Variants in SOCS7 observed in about 807,000 individuals in gnomAD.
The protein encoded by SOCS7 is suppressor of cytokine signaling 7, also known as NAP-4.
SOCS7 carries 18 observed loss-of-function variants against 58.9 expected under a neutral mutation model. That is an observed-to-expected ratio of 0.31 (90% CI 0.21 to 0.45). The LOEUF is 0.45. Among genes scored for constraint, SOCS7 ranks in the 20% least tolerant of loss-of-function variants. SOCS7 has a pLI of 1.00. For synonymous variants in SOCS7, 388 were observed against 364.3 expected (o/e 1.06, Z -0.74); for missense variants, 667 against 837.3 (o/e 0.80, Z 2.51).
At chr17:38,359,361 C>G (rs189534295) in intron 1 of SOCS7, among the ~76,000 whole-genome samples, 2 of 152,228 alleles carry the variant, frequency 1.3e-5, no homozygotes, top group East Asian at 3.9e-4. Flanking sequence ...TCATCAGAAC[C>G]CTCAAGTATG....
intron 7 of SOCS7, among the ~76,000 whole-genome samples, chr17:38,387,855 C>T (rs113462347): frequency 0.041 from 6,147 of 148,766 alleles, 456 homozygotes; most frequent in African/African-American, 0.15. Flanking sequence ...CTGCAACCTC[C>T]GACTCCCGGG....
At chr17:38,382,502 T>A (rs1312244786) in intron 7 of SOCS7, among the ~76,000 whole-genome samples, 1 of 151,378 alleles carries the variant, frequency 6.6e-6, no homozygotes, top group East Asian at 1.9e-4. Context: ...TTTGTTTGTT[T>A]CAAGATGGAG....
intron 7 of SOCS7, among the ~76,000 whole-genome samples, chr17:38,386,492 C>A (rs1209636713): frequency 6.6e-6 from 1 of 151,846 alleles, no homozygotes; most frequent in Non-Finnish European, 1.5e-5. Context: ...AGGCTTGATC[C>A]TTTTAGCAAG....
rs2038312170 is a variant in SOCS7 at position 38,401,056 on chromosome 17, C to T, written c.*1574C>T. 6.6e-6 allele frequency: 1 copy of T among 152,112 alleles called. No homozygotes were observed. The allele number at this position is 152,112 out of a possible 1,614,324, so 9.4% of individuals were successfully genotyped here. On this transcript the variant is annotated 3_prime_UTR_variant, in exon 10 of 10. Transcript: ENST00000612932. ...GCTTCCTGATGGTTTGGGTGGGGCC[C>T]CAGTGTCCTGGTAATTTATAGGACT...
At chr17:38,398,961 A>G (rs1164237899) in intron 9 of SOCS7, among the ~76,000 whole-genome samples, 1 of 151,998 alleles carries the variant, frequency 6.6e-6, no homozygotes, top group East Asian at 1.9e-4. Flanking sequence ...ATGGTGGCGC[A>G]TGCCTGTAAT....
At chr17:38,370,688 C>T (rs941663636) in intron 6 of SOCS7, among the ~76,000 whole-genome samples, 6 of 149,936 alleles carry the variant, frequency 4.0e-5, no homozygotes, top group African/African-American at 1.2e-4. Flanking sequence ...CTTGCTCCAT[C>T]GCCCAGGCTA....
chr17:38,359,547 A>C (rs1312697073), intron 1 of SOCS7, among the ~76,000 whole-genome samples: 2 of 152,100 alleles, frequency 1.3e-5, no homozygotes, highest in Non-Finnish European at 2.9e-5. Flanking sequence ...GAAGTCAAAT[A>C]ATTTAAAATA....
At chr17:38,362,382 T>A (rs900252652) in intron 2 of SOCS7, among the ~76,000 whole-genome samples, 6 of 152,304 alleles carry the variant, frequency 3.9e-5, no homozygotes, top group African/African-American at 4.8e-5. Flanking sequence ...GCCTTCTCGT[T>A]TCGTAGGGAG....
At chr17:38,396,104 C>T (rs1024637733) in intron 9 of SOCS7, 106 bp downstream of exon 9, 13 of 911,144 alleles carry the variant, frequency 1.4e-5, no homozygotes, top group South Asian at 1.0e-4. Context: ...TGGATAGCCC[C>T]GATCCAGGCA....
chr17:38,395,860 T>C lies in SOCS7; in HGVS notation c.1830T>C (p.Ser610=). The C allele has an allele frequency of 6.2e-7, 1 of 1,610,570 alleles. No homozygotes were observed. Among genetic ancestry groups the C allele is most frequent in the Non-Finnish European group, 8.5e-7 (1 of 1,179,080 alleles). Residue 610 remains serine (S), a synonymous_variant, in exon 9 of 10, where the codon TCT becomes TCC. Coordinates refer to ENST00000612932, the MANE Select transcript of SOCS7 (RefSeq NM_014598.4). ...TTGTTTTTCACAGACCTCTGATCTC[T>C]TATATCCGAAAGTTCTACTACTATG... ...PDLPLPKPLI[S]YIRKFYYYDP... is the part of the protein sequence containing the mutation.
chr17:38,371,757 T>G (rs1038424849), intron 6 of SOCS7, among the ~76,000 whole-genome samples: 6 of 145,372 alleles, frequency 4.1e-5, no homozygotes, highest in African/African-American at 7.9e-5. Flanking sequence ...CTTTTGTGTT[T>G]TTTTTTTTTT....
rs562343012 is a variant in SOCS7, at chr17:38,405,313, A to C, written c.*5831A>C. ...GGTGTGTTTTGGTATTTTTCTGGGGATAGAGGGGGTGGGGTTAGGGATGTC... is the reference window on the plus strand; with the variant it reads ...GGTGTGTTTTGGTATTTTTCTGGGGCTAGAGGGGGTGGGGTTAGGGATGTC... On this transcript the variant is annotated 3_prime_UTR_variant, in exon 10 of 10. Transcript: ENST00000612932. The C allele has an allele frequency of 2.6e-5, 4 of 151,986 alleles. No individual in the cohort carries two copies. Among genetic ancestry groups the C allele is most frequent in the South Asian group, 2.1e-4 (1 of 4,806 alleles). The allele number at this position is 151,986 out of a possible 1,614,324, so 9.4% of individuals were successfully genotyped here.
chr17:38,358,559 G>A (rs1358568921), intron 1 of SOCS7, among the ~76,000 whole-genome samples: 1 of 150,898 alleles, frequency 6.6e-6, no homozygotes, highest in Non-Finnish European at 1.5e-5. Flanking sequence ...TCAATTTTAT[G>A]TATTAGTATC....
rs1426130131 is a variant in SOCS7, at chr17:38,402,890, C to T, written c.*3408C>T. 4 of 152,286 alleles carry T rather than the reference C, an allele frequency of 2.6e-5. No individual in the cohort carries two copies. The highest frequency in any genetic ancestry group is 5.9e-5 in the Non-Finnish European group (4 of 68,048). 9.4% of individuals were successfully genotyped at this position (152,286 alleles called of 1,614,324 possible). On this transcript the variant is annotated 3_prime_UTR_variant, in exon 10 of 10. Coordinates refer to ENST00000612932, the MANE Select transcript of SOCS7 (RefSeq NM_014598.4). ...CCTGTTTATGACTGATCTACTGTAACCTTCCTCAGGTTGAGAGTGAGCTGC... is the reference window on the plus strand; with the variant it reads ...CCTGTTTATGACTGATCTACTGTAATCTTCCTCAGGTTGAGAGTGAGCTGC...
chr17:38,366,319 G>C lies in SOCS7; in HGVS notation c.1285G>C (p.Ala429Pro). 3.7e-6 allele frequency: 6 copies of C among 1,614,194 alleles called. No homozygotes were observed. The highest frequency in any genetic ancestry group is 5.1e-6 in the Non-Finnish European group (6 of 1,180,032). Reference protein sequence around the residue: ...AFPRIAPIRAAESLHSQPPQH... With the variant: ...AFPRIAPIRAPESLHSQPPQH... Reference sequence around the variant, plus strand: ...TCCCCGGATTGCTCCCATCCGAGCAGCTGAATCCCTGCACAGCCAACCCCC... The same window carrying C: ...TCCCCGGATTGCTCCCATCCGAGCACCTGAATCCCTGCACAGCCAACCCCC... Residue 429 changes from alanine to proline, a missense_variant, in exon 5 of 10, where the codon GCT (alanine) becomes CCT (proline). Ala to Pro is a conservative substitution (Grantham distance 27, BLOSUM62 -1). Coordinates refer to ENST00000612932, the MANE Select transcript of SOCS7 (RefSeq NM_014598.4).
intron 6 of SOCS7, among the ~76,000 whole-genome samples, chr17:38,374,822 C>T (rs1395039375): frequency 2.0e-5 from 3 of 152,204 alleles, no homozygotes; most frequent in African/African-American, 7.2e-5. Flanking sequence ...ACATTAATGT[C>T]AGGCAATCTG....
intron 7 of SOCS7, among the ~76,000 whole-genome samples, chr17:38,393,899 C>CA (rs2144401438): frequency 6.6e-6 from 1 of 152,112 alleles, no homozygotes; most frequent in African/African-American, 2.4e-5. Flanking sequence ...GACTCCGCCT[C>CA]AAAAAACAAA....
chr17:38,387,401 C>T (rs1368101915), intron 7 of SOCS7, among the ~76,000 whole-genome samples: 1 of 145,728 alleles, frequency 6.9e-6, no homozygotes, highest in African/African-American at 2.5e-5. Context: ...GAGCCGAGAT[C>T]ACCCCACTGC....
chr17:38,368,097 TA>T (rs761382101), intron 6 of SOCS7, 47 bp downstream of exon 6: 149 of 1,515,618 alleles, frequency 9.8e-5, no homozygotes, highest in Non-Finnish European at 1.2e-4. Context: ...TGATTTGCTC[TA>T]CCTTTGCTGT....
Sources: gnomAD v4.1 joint callset for allele counts (sites outside exome capture counted in the v4.1 genomes callset) on GRCh38, gnomAD v4.1.1 for gene constraint, MANE v1.5 for transcripts, NCBI Gene and HGNC (gene_info 2026-07-23, HGNC 2026-07-21) for gene names.